PSMA1: variants seen among roughly 807,000 people sequenced by gnomAD.
PSMA1 encodes the protein proteasome subunit alpha type-1.
PSMA1 carries 3 observed loss-of-function variants against 38.4 expected under a neutral mutation model. The observed-to-expected ratio is 0.08, with a 90% confidence interval of 0.04 to 0.20. The LOEUF (loss-of-function observed/expected upper bound fraction) is 0.20. Among genes scored for constraint, PSMA1 ranks in the 10% least tolerant of loss-of-function variants. The probability of loss-of-function intolerance (pLI) is 1.00; values close to 1 mark genes in which losing one functional copy is unlikely to be tolerated. For missense variants in PSMA1, 227 were observed against 325.3 expected, an observed-to-expected ratio of 0.70 and a Z score of 2.32; for synonymous variants, 101 against 107.1, an observed-to-expected ratio of 0.94 and a Z score of 0.35.
chr11:14,568,615 A>G (rs183169571), intron 2 of PSMA1, among the ~76,000 whole-genome samples: 1 of 152,368 alleles, frequency 6.6e-6, no homozygotes, highest in East Asian at 1.9e-4. Context: ...TCTTCCTTGC[A>G]AAAGTGTCCT....
At chr11:14,536,593 G>T (rs902856128) in intron 2 of PSMA1, among the ~76,000 whole-genome samples, 18 of 151,608 alleles carry the variant, frequency 1.2e-4, no homozygotes, top group African/African-American at 4.4e-4. Context: ...TAGGACAAAG[G>T]CAGCATTTAA....
chr11:14,559,574 T>C (rs1851985713), intron 2 of PSMA1, among the ~76,000 whole-genome samples: 1 of 152,156 alleles, frequency 6.6e-6, no homozygotes, highest in African/African-American at 2.4e-5. Context: ...AAATGACCAC[T>C]AGACGGAAGC....
chr11:14,630,768 T>G (rs369324979), intron 1 of PSMA1, among the ~76,000 whole-genome samples: 198 of 152,102 alleles, frequency 1.3e-3, no homozygotes, highest in South Asian at 1.9e-3. Context: ...ACCTCTGGTA[T>G]AATTCGGCTG....
intron 2 of PSMA1, among the ~76,000 whole-genome samples, chr11:14,544,927 C>G (rs1255566794): frequency 1.3e-5 from 2 of 152,154 alleles, no homozygotes; most frequent in African/African-American, 4.8e-5. Flanking sequence ...GGGAAACAAC[C>G]TAAACGTGCA....
rs1255069620 is a variant in PSMA1 at position 14,505,240 on chromosome 11, T to C, written c.744A>G (p.Gln248=). 14 of 1,613,606 alleles carry C rather than the reference T, an allele frequency of 8.7e-6. No individual in the cohort carries two copies. Among genetic ancestry groups the C allele is most frequent in the Non-Finnish European group, 1.2e-5 (14 of 1,179,712 alleles). The change falls in exon 10 of 10, where the codon CAA becomes CAG. Residue 248 remains glutamine, a synonymous_variant. Transcript: ENST00000396394. ...CCTTTTCTGCAGGTTCATCAGCAGG[T>C]TGAGCAGGCTTAACAGGGAAAGAAA... ...ERPQRKAQPA[Q]PADEPAEKAD...
At chr11:14,521,390 G>A (rs1851527663), upstream of PSMA1, among the ~76,000 whole-genome samples, 1 of 151,532 alleles carries the variant, frequency 6.6e-6, no homozygotes, top group African/African-American at 2.4e-5. Context: ...CACTCGGGAA[G>A]CTGATGTGGG....
At chr11:14,596,089 T>C (rs1404814655) in intron 2 of PSMA1, among the ~76,000 whole-genome samples, 1 of 152,246 alleles carries the variant, frequency 6.6e-6, no homozygotes, top group African/African-American at 2.4e-5. Context: ...CTCTGTTCTG[T>C]TCCATTGGTC....
At chr11:14,614,407 A>C (rs921654426) in intron 1 of PSMA1, among the ~76,000 whole-genome samples, 14 of 151,896 alleles carry the variant, frequency 9.2e-5, no homozygotes, top group African/African-American at 2.2e-4. Flanking sequence ...GAAAAAAAAA[A>C]CCCCAAATAA....
chr11:14,506,356 T>C (rs1248794769), intron 9 of PSMA1, among the ~76,000 whole-genome samples: 1 of 152,140 alleles, frequency 6.6e-6, no homozygotes, highest in Admixed American at 6.5e-5. Flanking sequence ...CCAAACTAGT[T>C]TGTGGTATTC....
chr11:14,576,234 G>A (rs1415089581), intron 2 of PSMA1, among the ~76,000 whole-genome samples: 1 of 152,170 alleles, frequency 6.6e-6, no homozygotes, highest in Non-Finnish European at 1.5e-5. Context: ...TAGGTTGCCT[G>A]TTCTCTCTGA....
chr11:14,569,259 C>T (rs1852109527), intron 2 of PSMA1, among the ~76,000 whole-genome samples: 1 of 151,996 alleles, frequency 6.6e-6, no homozygotes, highest in South Asian at 2.1e-4. Flanking sequence ...CAAAGATGGC[C>T]AAATAGGAAC....
chr11:14,545,993 A>G (rs1851821759), intron 2 of PSMA1, among the ~76,000 whole-genome samples: 1 of 152,148 alleles, frequency 6.6e-6, no homozygotes, highest in Non-Finnish European at 1.5e-5. Context: ...GTTCATGCAC[A>G]CCCTGAATTC....
rs186705721 is a variant in PSMA1, at chr11:14,564,323, T to C, written c.22-45282A>G. Among the ~76,000 whole-genome samples the C allele has an allele frequency of 2.0e-5, 3 of 152,342 alleles. No individual in the cohort carries two copies. In the East Asian group the frequency reaches 5.8e-4, roughly 29 times the overall value. Reference sequence around the variant, plus strand: ...ATGTGTAAATTTTTGGCCTTTTTTTTCATTCAGCATAATTCTCTGGCGATT... The same window carrying C: ...ATGTGTAAATTTTTGGCCTTTTTTTCCATTCAGCATAATTCTCTGGCGATT... On this transcript the variant is annotated intron_variant, in intron 2 of 10. Transcript: ENST00000418988.
At chr11:14,538,673 C>T (rs376677506) in intron 2 of PSMA1, among the ~76,000 whole-genome samples, 1 of 152,226 alleles carries the variant, frequency 6.6e-6, no homozygotes, top group African/African-American at 2.4e-5. Flanking sequence ...GGCTTCCTCC[C>T]ACAGTAGCTC....
intron 2 of PSMA1, among the ~76,000 whole-genome samples, chr11:14,526,209 A>T (rs1471030079): frequency 6.6e-6 from 1 of 152,132 alleles, no homozygotes; most frequent in East Asian, 1.9e-4. Context: ...ATCCTAACAA[A>T]ACCATTATAT....
At chr11:14,525,103 G>C (rs565778436), upstream of PSMA1, among the ~76,000 whole-genome samples, 3 of 152,134 alleles carry the variant, frequency 2.0e-5, no homozygotes, top group South Asian at 6.2e-4. Flanking sequence ...AACTGTTGTG[G>C]GTATTGACGG....
At chr11:14,509,827 C>A (rs903446886) in intron 8 of PSMA1, among the ~76,000 whole-genome samples, 1 of 151,758 alleles carries the variant, frequency 6.6e-6, no homozygotes, top group African/African-American at 2.4e-5. Flanking sequence ...AGGTTCACGC[C>A]ATTCTCCTGC....
At chr11:14,642,154 A>T (rs1853215640) in intron 1 of PSMA1, among the ~76,000 whole-genome samples, 1 of 152,216 alleles carries the variant, frequency 6.6e-6, no homozygotes, top group South Asian at 2.1e-4. Flanking sequence ...CTAATTTTCA[A>T]ATCAATTTAT....
intron 1 of PSMA1, among the ~76,000 whole-genome samples, chr11:14,632,679 C>T (rs1184002520): frequency 1.0e-4 from 15 of 144,402 alleles, no homozygotes; most frequent in East Asian, 8.2e-4. Flanking sequence ...ATCTTTGTGG[C>T]GTTCTCTGTA....
Sources: allele counts gnomAD v4.1 joint callset (sites outside exome capture counted in the v4.1 genomes callset), GRCh38; gene constraint gnomAD v4.1.1; transcripts MANE v1.5; gene names NCBI Gene and HGNC (gene_info 2026-07-23, HGNC 2026-07-21).